The following EBF1 variants were observed in gnomAD, a reference collection of about 807,000 sequenced individuals.
EBF1 encodes EBF transcription factor 1.
EBF1 carries 10 observed loss-of-function variants against 68.4 expected under a neutral mutation model. The observed-to-expected ratio is 0.15, with a 90% confidence interval of 0.09 to 0.25. The LOEUF (loss-of-function observed/expected upper bound fraction) is 0.25, where lower values mean the gene tolerates loss of function less well. Among genes scored for constraint, EBF1 ranks in the 10% least tolerant of loss-of-function variants. The pLI is 1.00. For missense variants in EBF1, 509 were observed against 794.4 expected (o/e 0.64, Z 4.32); for synonymous variants, 298 against 299.8 (o/e 0.99, Z 0.06).
intron 6 of EBF1, among the ~76,000 whole-genome samples, chr5:158,913,126 C>T (rs1284055982): frequency 6.6e-6 from 1 of 152,174 alleles, no homozygotes; most frequent in Non-Finnish European, 1.5e-5. Context: ...TCCTGTACCG[C>T]TGGGTCACAT....
At chr5:158,700,566 G>C (rs1252849458) in intron 15 of EBF1, among the ~76,000 whole-genome samples, 1 of 150,408 alleles carries the variant, frequency 6.6e-6, no homozygotes, top group Non-Finnish European at 1.5e-5. Flanking sequence ...GTGGACACAG[G>C]GAGGCCACCC....
chr5:159,078,031 C>T lies in EBF1; in HGVS notation c.486-4567G>A, dbSNP rs367554317. ...CTGGGATTACAGGTGCAAGCCACCA[C>T]GCCCAGGCTAGTGTTCTGCTTTATA... On this transcript the variant is annotated intron_variant, in intron 5 of 15. Coordinates refer to ENST00000313708, the MANE Select transcript of EBF1 (RefSeq NM_024007.5). Among the ~76,000 whole-genome samples the T allele has an allele frequency of 3.5e-4, 53 of 152,190 alleles. No homozygotes were observed. The East Asian group carries it at 9.0e-3, about 26-fold the overall frequency.
intron 8 of EBF1, among the ~76,000 whole-genome samples, chr5:158,822,154 G>A (rs1469441823): frequency 6.6e-6 from 1 of 152,116 alleles, no homozygotes; most frequent in African/African-American, 2.4e-5. Context: ...CTAGCAAACT[G>A]GAAAGGGAAG....
At chr5:159,078,648 C>A (rs547509407) in intron 5 of EBF1, among the ~76,000 whole-genome samples, 1 of 152,144 alleles carries the variant, frequency 6.6e-6, no homozygotes, top group Non-Finnish European at 1.5e-5. Flanking sequence ...TAAAAGCAGG[C>A]CACTGTTTAC....
At chr5:158,824,974 G>A (rs1340416444) in intron 7 of EBF1, among the ~76,000 whole-genome samples, 1 of 152,176 alleles carries the variant, frequency 6.6e-6, no homozygotes, top group Non-Finnish European at 1.5e-5. Context: ...AAAATGCATA[G>A]GAAACAGTTG....
At chr5:158,803,644 TA>T (rs1781034401) in intron 8 of EBF1, among the ~76,000 whole-genome samples, 1 of 152,002 alleles carries the variant, frequency 6.6e-6, no homozygotes, top group South Asian at 2.1e-4. Flanking sequence ...TTCAGAATGC[TA>T]ACTCCAAATA....
intron 7 of EBF1, 107 bp downstream of exon 7, chr5:158,839,922 T>G: frequency 9.5e-7 from 1 of 1,056,586 alleles, no homozygotes. Flanking sequence ...CCTCAGCTGC[T>G]CTTCACCTCT....
chr5:159,090,903 T>C (rs1781509062), intron 4 of EBF1, among the ~76,000 whole-genome samples: 1 of 152,182 alleles, frequency 6.6e-6, no homozygotes, highest in Admixed American at 6.5e-5. Flanking sequence ...TGTATGAAGT[T>C]ATTTAATTCT....
At chr5:159,004,025 C>A (rs1407917471) in intron 6 of EBF1, among the ~76,000 whole-genome samples, 1 of 152,128 alleles carries the variant, frequency 6.6e-6, no homozygotes, top group Non-Finnish European at 1.5e-5. Context: ...AGCTGAAATC[C>A]CAGCACATTG....
chr5:158,910,839 A>G (rs991483888), intron 6 of EBF1, among the ~76,000 whole-genome samples: 1 of 152,228 alleles, frequency 6.6e-6, no homozygotes, highest in Non-Finnish European at 1.5e-5. Flanking sequence ...CAGTGATTCA[A>G]TAGGAAATTA....
chr5:159,033,472 G>C (rs1011882563), intron 6 of EBF1, among the ~76,000 whole-genome samples: 1 of 152,126 alleles, frequency 6.6e-6, no homozygotes, highest in East Asian at 1.9e-4. Flanking sequence ...ACAATGCTTT[G>C]AGATGCTAGA....
chr5:158,725,797 G>A (rs967754748), intron 11 of EBF1, among the ~76,000 whole-genome samples: 4 of 152,170 alleles, frequency 2.6e-5, no homozygotes, highest in East Asian at 1.9e-4. Flanking sequence ...AAGGTTTGGC[G>A]GAGGTTTGTT....
chr5:158,785,739 A>G (rs1226800551), intron 9 of EBF1, among the ~76,000 whole-genome samples: 2 of 152,236 alleles, frequency 1.3e-5, no homozygotes, highest in African/African-American at 2.4e-5. Context: ...TTTTGAAATT[A>G]AAGTCTCAGG....
At chr5:159,010,408 A>G (rs1385546881) in intron 6 of EBF1, among the ~76,000 whole-genome samples, 1 of 152,176 alleles carries the variant, frequency 6.6e-6, no homozygotes, top group Non-Finnish European at 1.5e-5. Flanking sequence ...TCTGTGTTCT[A>G]TTGTTCCAAA....
chr5:159,082,006 T>C (rs1779812930), intron 5 of EBF1, among the ~76,000 whole-genome samples: 1 of 152,190 alleles, frequency 6.6e-6, no homozygotes, highest in African/African-American at 2.4e-5. Flanking sequence ...ATAATAATTA[T>C]AATATGATCC....
chr5:158,701,733 T>TA (rs1305945806), intron 15 of EBF1, among the ~76,000 whole-genome samples: 1 of 152,168 alleles, frequency 6.6e-6, no homozygotes, highest in Non-Finnish European at 1.5e-5. Flanking sequence ...TTTGTTTTTT[T>TA]AAAAAAAGAA....
chr5:159,035,051 G>A (rs1037603810), intron 6 of EBF1, among the ~76,000 whole-genome samples: 1 of 152,172 alleles, frequency 6.6e-6, no homozygotes, highest in Non-Finnish European at 1.5e-5. Context: ...GAAGCCACTG[G>A]TTTTCTCTAT....
At chr5:158,699,222 A>G in intron 15 of EBF1, 80 bp from the exon 16 acceptor site, 3 of 1,438,848 alleles carry the variant, frequency 2.1e-6, no homozygotes, top group Admixed American at 2.2e-5. Context: ...ACTAAAAAAA[A>G]AAAAACACCC....
chr5:158,817,746 C>T (rs1784047355), intron 8 of EBF1, among the ~76,000 whole-genome samples: 1 of 152,082 alleles, frequency 6.6e-6, no homozygotes, highest in South Asian at 2.1e-4. Context: ...TTTGATGCAC[C>T]ACTCTAATTT....
Sources: allele counts gnomAD v4.1 joint callset (sites outside exome capture counted in the v4.1 genomes callset), GRCh38; gene constraint gnomAD v4.1.1; transcripts MANE v1.5; gene names NCBI Gene and HGNC (gene_info 2026-07-23, HGNC 2026-07-21).